NR4A1: variants seen among roughly 807,000 people sequenced by gnomAD.
NR4A1 encodes the protein nuclear receptor subfamily 4immunitygroup A member 1.
NR4A1 carries 24 observed loss-of-function variants against 47.5 expected under a neutral mutation model. The ratio of observed to expected loss-of-function variants is 0.50; its 90% CI spans 0.37 to 0.71. NR4A1 has a LOEUF of 0.71. Ranked by LOEUF, NR4A1 falls within the 30% of genes least tolerant of loss-of-function variation. The pLI is 0.00. For missense variants in NR4A1, 669 were observed against 788.6 expected (o/e 0.85, Z 1.82); for synonymous variants, 353 against 345.7 (o/e 1.02, Z -0.24).
At chr12:52,045,110 A>G (rs956190525) in intron 2 of NR4A1, among the ~76,000 whole-genome samples, 11 of 152,178 alleles carry the variant, frequency 7.2e-5, no homozygotes, top group Non-Finnish European at 1.6e-4. Flanking sequence ...GAATTCTCCC[A>G]GTGCTGGGTA....
At chr12:52,055,685 C>A in intron 2 of NR4A1, 1 of 350,868 alleles carries the variant, frequency 2.9e-6, no homozygotes, top group Non-Finnish European at 5.1e-6. Flanking sequence ...GTCCCCACCC[C>A]CCAGCCCCTT....
At chr12:52,045,147 T>G (rs529503176) in intron 2 of NR4A1, among the ~76,000 whole-genome samples, 93 of 152,290 alleles carry the variant, frequency 6.1e-4, no homozygotes, top group African/African-American at 2.2e-3. Flanking sequence ...CACACTCTCT[T>G]TTCCTCTCAC....
chr12:52,057,354 C>G lies in NR4A1; in HGVS notation c.1364C>G (p.Ser455Cys), dbSNP rs1174465835. The G allele has an allele frequency of 1.2e-6, 2 of 1,614,074 alleles. No individual in the cohort carries two copies. Among genetic ancestry groups the G allele is most frequent in the Non-Finnish European group, 1.7e-6 (2 of 1,180,048 alleles). The change falls in exon 6 of 7, where the codon TCT becomes TGT. Residue 455 changes from serine to cysteine, a missense_variant and splice_region_variant. Coordinates refer to ENST00000394825, the MANE Select transcript of NR4A1 (RefSeq NM_173157.3). ...CTTCGTGCCCATCTGCCTGCCAGGT[C>G]TAAGCCAGGCGAGGGCAAGCTCATC... ...ELFILRLAYR[S>C]KPGEGKLIFC...
chr12:52,057,608 A>T (rs1939345221), intron 6 of NR4A1, 78 bp downstream of exon 6: 2 of 1,548,912 alleles, frequency 1.3e-6, no homozygotes, highest in South Asian at 2.4e-5. Context: ...GCACTGTCCC[A>T]GGGAGTTTGG....
rs149369999 is a variant in NR4A1 at position 52,058,776 on chromosome 12, G to T, written c.1629G>T (p.Ala543=). The part of the protein sequence containing the change: ...SCLKEHVAAV[A]GEPQPASCLS... The stretch of plus-strand genomic sequence containing the variant: ...TGAAGGAGCACGTGGCAGCTGTGGC[G>T]GGCGAGCCCCAGCCAGCCAGCTGCC... Residue 543 remains alanine (A), a synonymous_variant, in exon 7 of 7, where the codon GCG becomes GCT. Transcript: ENST00000394825. The T allele has an allele frequency of 1.2e-6, 2 of 1,610,908 alleles. No individual in the cohort carries two copies. The highest frequency in any genetic ancestry group is 2.2e-5 in the South Asian group (2 of 91,028).
intron 2 of NR4A1, 169 bp from the exon 3 acceptor site, chr12:52,055,860 CG>C (rs374006056): frequency 1.2e-4 from 54 of 450,158 alleles, no homozygotes; most frequent in South Asian, 3.4e-4. Flanking sequence ...TCTCTCCCCC[CG>C]CCCAACCCCG....
At chr12:52,045,140 A>T (rs1284435243) in intron 2 of NR4A1, among the ~76,000 whole-genome samples, 1 of 152,084 alleles carries the variant, frequency 6.6e-6, no homozygotes, top group Non-Finnish European at 1.5e-5. Flanking sequence ...CTCTGGGCAC[A>T]CTCTCTTTTC....
At chr12:52,051,080 G>A (rs1352042080), upstream of NR4A1, among the ~76,000 whole-genome samples, 4 of 152,216 alleles carry the variant, frequency 2.6e-5, no homozygotes, top group Non-Finnish European at 5.9e-5. Context: ...TGGTTATTCT[G>A]GACCTGGGGG....
intron 1 of NR4A1, among the ~76,000 whole-genome samples, chr12:52,035,318 T>C (rs1032515061): frequency 6.6e-6 from 1 of 152,240 alleles, no homozygotes; most frequent in Admixed American, 6.5e-5. Context: ...AGACAAGTTA[T>C]GCTAAAAGTA....
intron 1 of NR4A1, among the ~76,000 whole-genome samples, chr12:52,033,979 C>T (rs1938185829): frequency 6.6e-6 from 1 of 152,182 alleles, no homozygotes; most frequent in South Asian, 2.1e-4. Context: ...GGAAGGGTGT[C>T]TCCTAGGTGG....
chr12:52,031,137 C>A (rs1008416790), intron 1 of NR4A1, among the ~76,000 whole-genome samples: 1 of 152,102 alleles, frequency 6.6e-6, no homozygotes, highest in Non-Finnish European at 1.5e-5. Context: ...CACCTCCGCC[C>A]TGAAGTAGCT....
intron 2 of NR4A1, among the ~76,000 whole-genome samples, chr12:52,045,734 C>T (rs1938609178): frequency 1.3e-5 from 2 of 152,200 alleles, no homozygotes; most frequent in Non-Finnish European, 2.9e-5. Flanking sequence ...GGGAGGAGTG[C>T]GGCCACTAGC....
intron 1 of NR4A1, among the ~76,000 whole-genome samples, chr12:52,027,696 C>T (rs1938027218): frequency 6.6e-6 from 1 of 152,230 alleles, no homozygotes; most frequent in Non-Finnish European, 1.5e-5. Flanking sequence ...CCCACATCCC[C>T]ATGCCTCCTG....
At chr12:52,056,690 A>T in intron 4 of NR4A1, 45 bp downstream of exon 4, 2 of 1,399,786 alleles carry the variant, frequency 1.4e-6, no homozygotes, top group Non-Finnish European at 1.9e-6. Flanking sequence ...CTATGAGCAC[A>T]TGCAGTGCCT....
In NR4A1 at chr12:52,054,669, G is replaced by C. The variant is rs1259640988; in HGVS notation, c.341G>C (p.Gly114Ala). Reference sequence around the variant, plus strand: ...TTCCAGGTGTACGGCTGCTACCCCGGCCCCCTGAGCGGCCCAGTGGATGAG... The same window carrying C: ...TTCCAGGTGTACGGCTGCTACCCCGCCCCCCTGAGCGGCCCAGTGGATGAG... ...EDFQVYGCYP[G>A]PLSGPVDEAL... Residue 114 changes from glycine to alanine, a missense_variant, in exon 2 of 7, where the codon GGC (glycine) becomes GCC (alanine). Coordinates refer to ENST00000394825, the MANE Select transcript of NR4A1 (RefSeq NM_173157.3). The C allele has an allele frequency of 1.2e-6, 2 of 1,613,948 alleles. No individual in the cohort carries two copies. The highest frequency in any genetic ancestry group is 1.7e-5 in the Admixed American group (1 of 60,014).
chr12:52,026,223 C>T (rs962539418), intron 1 of NR4A1, among the ~76,000 whole-genome samples: 2 of 152,184 alleles, frequency 1.3e-5, no homozygotes, highest in African/African-American at 4.8e-5. Context: ...AAACATGGGA[C>T]AAATATAATT....
At chr12:52,028,720 A>G (rs925106518) in intron 1 of NR4A1, among the ~76,000 whole-genome samples, 2 of 151,876 alleles carry the variant, frequency 1.3e-5, no homozygotes, top group Non-Finnish European at 2.9e-5. Context: ...CCTGGCCAAG[A>G]TGGTGAAACC....
At chr12:52,058,416 T>G in intron 6 of NR4A1, 1 of 485,382 alleles carries the variant, frequency 2.1e-6, no homozygotes, top group South Asian at 3.4e-5. Flanking sequence ...CCAGAAAACG[T>G]AGGTTAGGAT....
intron 2 of NR4A1, chr12:52,043,446 T>C (rs932628008): frequency 5.1e-5 from 12 of 234,318 alleles, no homozygotes; most frequent in African/African-American, 2.0e-4. Context: ...ATGCCAGATA[T>C]ACTGCCAAGG....
Sources: gnomAD v4.1 joint callset for allele counts (sites outside exome capture counted in the v4.1 genomes callset) on GRCh38, gnomAD v4.1.1 for gene constraint, MANE v1.5 for transcripts, NCBI Gene and HGNC (gene_info 2026-07-23, HGNC 2026-07-21) for gene names.